Variants in TUSC3 observed in about 807,000 individuals in gnomAD.
TUSC3 encodes the protein tumor suppressor candidate 3, also known as dolichyl-diphosphooligosaccharide--protein glycosyltransferase subunit TUSC3.
Under a neutral mutation model 44.8 loss-of-function variants are expected in TUSC3, and 45 were observed. The ratio of observed to expected loss-of-function variants is 1.00; its 90% CI spans 0.79 to 1.29. The LOEUF (loss-of-function observed/expected upper bound fraction) is 1.29, where lower values mean the gene tolerates loss of function less well. Among genes scored for constraint, TUSC3 ranks in the 50% most tolerant of loss-of-function variants. The pLI, the probability that TUSC3 is intolerant of heterozygous loss-of-function variation, is 0.00. For missense variants in TUSC3, 519 were observed against 437.9 expected (o/e 1.19, Z -1.65); for synonymous variants, 212 against 152.9 (o/e 1.39, Z -2.85).
the TUSC3 span, among the ~76,000 whole-genome samples, chr8:15,838,688 A>C: frequency 6.6e-6 from 1 of 152,056 alleles, no homozygotes; most frequent in Non-Finnish European, 1.5e-5. Context: ...ATTATTTCTG[A>C]GGGCCCTGTT....
At chr8:15,531,934 TTGTC>T (rs1188723745) in intron 2 of TUSC3, among the ~76,000 whole-genome samples, 1 of 152,162 alleles carries the variant, frequency 6.6e-6, no homozygotes, top group African/African-American at 2.4e-5. Flanking sequence ...TGTCATGAAA[TTGTC>T]TTGTCTATAA....
At chr8:15,847,382 A>G in the TUSC3 span, among the ~76,000 whole-genome samples, 2 of 152,030 alleles carry the variant, frequency 1.3e-5, no homozygotes, top group African/African-American at 4.8e-5. Context: ...TGATTTTGCA[A>G]ACTTCTCTGT....
chr8:15,540,344 C>T lies in TUSC3; in HGVS notation c.-87C>T, dbSNP rs113041846. ...TCCCGGAGGGCCCAGCCAGCGGGCT[C>T]CCGGAGGCTGGCCGGGCAGGCGTGG... On this transcript the variant is annotated 5_prime_UTR_variant, in exon 1 of 11. Transcript: ENST00000503731. The T allele has an allele frequency of 0.022, 31,201 of 1,392,258 alleles. 409 individuals are homozygous for T. Among genetic ancestry groups the T allele is most frequent in the Non-Finnish European group, 0.026 (27,765 of 1,072,126 alleles). The allele number at this position is 1,392,258 out of a possible 1,614,324, so 86.2% of individuals were successfully genotyped here.
At chr8:15,675,148 T>A (rs1043298662) in intron 6 of TUSC3, among the ~76,000 whole-genome samples, 2 of 152,154 alleles carry the variant, frequency 1.3e-5, no homozygotes, top group African/African-American at 4.8e-5. Flanking sequence ...AAGAATGGAT[T>A]TTATCAGGTT....
At chr8:15,647,869 A>T (rs1346287923) in intron 2 of TUSC3, among the ~76,000 whole-genome samples, 1 of 152,176 alleles carries the variant, frequency 6.6e-6, no homozygotes, top group Non-Finnish European at 1.5e-5. Flanking sequence ...TGATCAGTCC[A>T]TTCCCAATCT....
intron 2 of TUSC3, among the ~76,000 whole-genome samples, chr8:15,643,638 C>T (rs193186453): frequency 4.1e-4 from 62 of 152,268 alleles, no homozygotes; most frequent in Non-Finnish European, 7.1e-4. Flanking sequence ...ACCTCTTTAT[C>T]TTACATCTAG....
intron 2 of TUSC3, among the ~76,000 whole-genome samples, chr8:15,504,013 C>CA (rs11330340): frequency 0.16 from 18,474 of 112,880 alleles, 1,343 homozygotes; most frequent in East Asian, 0.24. Context: ...GACTCTGTCT[C>CA]AAAAAAAAAA....
intron 5 of TUSC3, among the ~76,000 whole-genome samples, chr8:15,672,529 G>A (rs1420855909): frequency 6.6e-6 from 1 of 152,018 alleles, no homozygotes; most frequent in Non-Finnish European, 1.5e-5. Flanking sequence ...AGATACATCT[G>A]CAACTCGAGT....
At chr8:15,584,461 C>G (rs1253406631) in intron 1 of TUSC3, among the ~76,000 whole-genome samples, 1 of 152,110 alleles carries the variant, frequency 6.6e-6, no homozygotes, top group Admixed American at 6.6e-5. Flanking sequence ...TCAGGGGAAT[C>G]TAAAGGTAAA....
intron 1 of TUSC3, among the ~76,000 whole-genome samples, chr8:15,575,305 C>T (rs1242977236): frequency 6.6e-6 from 1 of 152,070 alleles, no homozygotes; most frequent in Non-Finnish European, 1.5e-5. Context: ...ATTAAGATTC[C>T]TCAGTGAGAA....
the TUSC3 span, among the ~76,000 whole-genome samples, chr8:15,781,644 A>C: frequency 1.3e-5 from 2 of 152,218 alleles, no homozygotes; most frequent in Admixed American, 1.3e-4. Flanking sequence ...CAAGAGATTG[A>C]AATAGTAATA....
At chr8:15,752,289 T>C (rs960969644) in intron 9 of TUSC3, among the ~76,000 whole-genome samples, 1 of 152,140 alleles carries the variant, frequency 6.6e-6, no homozygotes, top group Admixed American at 6.6e-5. Context: ...AAGAGAAATA[T>C]GTTCATGGTA....
chr8:15,453,533 C>G (rs141698249), intron 1 of TUSC3, among the ~76,000 whole-genome samples: 2 of 152,304 alleles, frequency 1.3e-5, no homozygotes, highest in African/African-American at 2.4e-5. Context: ...AAGCATTTAT[C>G]AAATCACTTT....
chr8:15,602,643 G>T (rs978078734), intron 1 of TUSC3, among the ~76,000 whole-genome samples: 18 of 148,044 alleles, frequency 1.2e-4, no homozygotes, highest in African/African-American at 4.5e-4. Context: ...TCTCTTTGGG[G>T]TTGTGAAGAT....
At chr8:15,773,130 G>C in the TUSC3 span, among the ~76,000 whole-genome samples, 3 of 152,224 alleles carry the variant, frequency 2.0e-5, no homozygotes, top group South Asian at 6.2e-4. Context: ...GTGTGTTCTA[G>C]GTAGGACAAT....
rs78876099 is a variant in TUSC3 at position 15,480,088 on chromosome 8, A to G, written n.92-3298A>G. Among the ~76,000 whole-genome samples, 11 of 152,316 alleles carry G rather than the reference A, an allele frequency of 7.2e-5. No individual in the cohort carries two copies. The East Asian group carries it at 2.1e-3, about 29-fold the overall frequency. On this transcript the variant is annotated intron_variant and non_coding_transcript_variant, in intron 1 of 5. Coordinates refer to the TUSC3 transcript ENST00000503191. ...GAATACAATACCTAGGAATACAGCT[A>G]ACAAGGAAAGTGAAGGACCTCTTCA...
chr8:15,429,386 T>C (rs562500288), intron 1 of TUSC3, among the ~76,000 whole-genome samples: 3 of 150,750 alleles, frequency 2.0e-5, no homozygotes, highest in South Asian at 2.1e-4. Flanking sequence ...TGTAGTATAG[T>C]TTGAAGTCAG....
At chr8:15,605,028 T>C (rs1804460902) in intron 1 of TUSC3, among the ~76,000 whole-genome samples, 1 of 151,858 alleles carries the variant, frequency 6.6e-6, no homozygotes, top group South Asian at 2.1e-4. Flanking sequence ...CTCCAGGCCA[T>C]TTTTACTGAA....
At chr8:15,703,972 G>A (rs529460621) in intron 6 of TUSC3, among the ~76,000 whole-genome samples, 15 of 152,212 alleles carry the variant, frequency 9.9e-5, no homozygotes, top group South Asian at 4.1e-4. Flanking sequence ...AATAAGTGAC[G>A]AACAAAATAG....
Sources: gnomAD v4.1 joint callset for allele counts (sites outside exome capture counted in the v4.1 genomes callset) on GRCh38, gnomAD v4.1.1 for gene constraint, MANE v1.5 for transcripts, NCBI Gene and HGNC (gene_info 2026-07-23, HGNC 2026-07-21) for gene names.